Variants in SUCLG2 observed in about 807,000 individuals in gnomAD.
The protein encoded by SUCLG2 is succinate--CoA ligase [GDP-forming] subunit beta, mitochondrial.
In SUCLG2, 42 loss-of-function variants were observed where a neutral mutation model predicts 47.9. The observed-to-expected ratio is 0.88, with a 90% CI of 0.69 to 1.14. SUCLG2 has a LOEUF of 1.14. SUCLG2 is among the 50% of genes most tolerant of loss of function. SUCLG2 has a pLI of 0.00. For missense variants in SUCLG2, 571 were observed against 525.9 expected, an observed-to-expected ratio of 1.09 and a Z score of -0.84; for synonymous variants, 195 against 197.3, an observed-to-expected ratio of 0.99 and a Z score of 0.10.
At chr3:67,394,577 A>G (rs2106798510) in intron 10 of SUCLG2, among the ~76,000 whole-genome samples, 1 of 151,836 alleles carries the variant, frequency 6.6e-6, no homozygotes, top group South Asian at 2.1e-4. Context: ...GGGAGAATGG[A>G]ACTAAGTTGG....
chr3:67,598,446 G>C (rs563478551), intron 2 of SUCLG2, among the ~76,000 whole-genome samples: 2 of 152,324 alleles, frequency 1.3e-5, no homozygotes, highest in African/African-American at 4.8e-5. Flanking sequence ...TGGAATAACA[G>C]ATGTATCCAA....
At chr3:67,491,246 A>C (rs1705196516) in intron 9 of SUCLG2, among the ~76,000 whole-genome samples, 1 of 150,292 alleles carries the variant, frequency 6.7e-6, no homozygotes, top group South Asian at 2.1e-4. Context: ...AAAAAAAAAA[A>C]GAGAGAAAAG....
At chr3:67,520,756 T>A in intron 4 of SUCLG2, 122 bp from the exon 5 acceptor site, 2 of 1,157,946 alleles carry the variant, frequency 1.7e-6, no homozygotes. Context: ...GCCCAGGGAG[T>A]GAGTTTGCAG....
At chr3:67,446,416 CATTTTT>C (rs1320180161) in intron 9 of SUCLG2, among the ~76,000 whole-genome samples, 3 of 78,344 alleles carry the variant, frequency 3.8e-5, no homozygotes, top group African/African-American at 1.5e-4. Flanking sequence ...TACATATGTA[CATTTTT>C]TTTTTTTTTT....
At chr3:67,415,981 G>T (rs1025937024) in intron 9 of SUCLG2, among the ~76,000 whole-genome samples, 2 of 152,264 alleles carry the variant, frequency 1.3e-5, no homozygotes, top group East Asian at 3.9e-4. Context: ...CCATAAGGAC[G>T]GACACTCAAG....
chr3:67,637,893 A>G (rs963982988), intron 1 of SUCLG2, among the ~76,000 whole-genome samples: 1 of 152,214 alleles, frequency 6.6e-6, no homozygotes, highest in Non-Finnish European at 1.5e-5. Context: ...TCCCAACTAA[A>G]TGACAACCAT....
intron 2 of SUCLG2, among the ~76,000 whole-genome samples, chr3:67,533,465 G>A (rs895195171): frequency 1.3e-5 from 2 of 152,102 alleles, no homozygotes; most frequent in Admixed American, 1.3e-4. Context: ...ATGTAGCATG[G>A]CAATCACCTT....
At chr3:67,380,064 G>A (rs531161097) in intron 10 of SUCLG2, among the ~76,000 whole-genome samples, 2 of 152,296 alleles carry the variant, frequency 1.3e-5, no homozygotes, top group South Asian at 4.1e-4. Flanking sequence ...GAGAAGAGGA[G>A]TGGGCGGGTA....
At chr3:67,408,877 G>A in intron 9 of SUCLG2, 4 of 1,468,330 alleles carry the variant, frequency 2.7e-6, no homozygotes, top group East Asian at 5.0e-5. Flanking sequence ...TAAAGTCCAT[G>A]TTCGTTCCAC....
chr3:67,396,127 C>A (rs1000934461), intron 10 of SUCLG2, among the ~76,000 whole-genome samples: 1 of 152,026 alleles, frequency 6.6e-6, no homozygotes, highest in Non-Finnish European at 1.5e-5. Context: ...AAAACAAGAG[C>A]AAACACATTC....
chr3:67,396,181 C>T (rs1019868847), intron 10 of SUCLG2, among the ~76,000 whole-genome samples: 2 of 152,080 alleles, frequency 1.3e-5, no homozygotes, highest in South Asian at 2.1e-4. Context: ...CAGAGCAGAA[C>T]TGAAGGAAAT....
chr3:67,584,736 G>A (rs972488690), intron 2 of SUCLG2, among the ~76,000 whole-genome samples: 2 of 152,180 alleles, frequency 1.3e-5, no homozygotes, highest in African/African-American at 4.8e-5. Context: ...GAGGCCTCAG[G>A]AAACTTACAA....
chr3:67,446,480 G>C (rs1413837423), intron 9 of SUCLG2, among the ~76,000 whole-genome samples: 4 of 122,100 alleles, frequency 3.3e-5, no homozygotes, highest in Admixed American at 3.1e-4. Flanking sequence ...ACTCAGGCTG[G>C]AATGCAGTTG....
chr3:67,640,746 G>C (rs1701088018), intron 1 of SUCLG2, among the ~76,000 whole-genome samples: 1 of 152,084 alleles, frequency 6.6e-6, no homozygotes, highest in Non-Finnish European at 1.5e-5. Context: ...ACCCTCAGAA[G>C]TGATTTCACT....
At chr3:67,411,524 A>G (rs909391699) in intron 9 of SUCLG2, among the ~76,000 whole-genome samples, 3 of 152,306 alleles carry the variant, frequency 2.0e-5, no homozygotes, top group South Asian at 2.1e-4. Flanking sequence ...ATAAGATTCC[A>G]GCTATGATTT....
At chr3:67,367,324 G>C (rs1485704979) in intron 10 of SUCLG2, among the ~76,000 whole-genome samples, 2 of 152,070 alleles carry the variant, frequency 1.3e-5, no homozygotes, top group Non-Finnish European at 2.9e-5. Context: ...TAAAAGAACA[G>C]TATAACTTAC....
intron 9 of SUCLG2, among the ~76,000 whole-genome samples, chr3:67,450,745 A>T (rs1704037359): frequency 6.6e-6 from 1 of 152,252 alleles, no homozygotes; most frequent in African/African-American, 2.4e-5. Flanking sequence ...TTTTGGAAAG[A>T]CTATTGTAAA....
intron 9 of SUCLG2, among the ~76,000 whole-genome samples, chr3:67,446,859 TTTAAA>T (rs1452267949): frequency 2.0e-5 from 3 of 152,194 alleles, no homozygotes; most frequent in Non-Finnish European, 4.4e-5. Flanking sequence ...TTCACTTTAT[TTTAAA>T]TTGTGACATA....
Position 67,651,243 on chromosome 3 carries a change from C to A in SUCLG2, c.84+3260G>T, listed in dbSNP as rs762203127. Among the ~76,000 whole-genome samples, 3 of 152,262 alleles carry A rather than the reference C, an allele frequency of 2.0e-5. No homozygotes were observed. In the South Asian group the frequency reaches 6.2e-4, roughly 32 times the overall value. ...GGATTCAGCCTCTGTATGGTTTAAA[C>A]CCCTGAAACCTCCTTAGCAGACCCT... On this transcript the variant is annotated intron_variant, in intron 1 of 10. Transcript: ENST00000307227.
Sources: gnomAD v4.1 joint callset for allele counts (sites outside exome capture counted in the v4.1 genomes callset) on GRCh38, gnomAD v4.1.1 for gene constraint, MANE v1.5 for transcripts, NCBI Gene and HGNC (gene_info 2026-07-23, HGNC 2026-07-21) for gene names.